Variants in DPYD observed in about 807,000 individuals in gnomAD.
The protein encoded by DPYD is dihydropyrimidine dehydrogenase, also known as dihydropyrimidine dehydrogenase [NADP(+)].
DPYD carries 109 observed loss-of-function variants against 116.2 expected under a neutral mutation model. That is an observed-to-expected ratio of 0.94 (90% CI 0.80 to 1.10). The LOEUF is 1.10. DPYD is among the 50% of genes least tolerant of loss of function. DPYD has a pLI of 0.00. For missense variants in DPYD, 1,302 were observed against 1,254.5 expected (o/e 1.04, Z -0.57); for synonymous variants, 440 against 432.0 (o/e 1.02, Z -0.23).
chr1:97,564,469 T>C (rs573770589), intron 11 of DPYD, among the ~76,000 whole-genome samples: 52 of 152,352 alleles, frequency 3.4e-4, no homozygotes, highest in African/African-American at 1.2e-3. Context: ...GAACAGCTCC[T>C]GCTGTAGGCA....
At chr1:97,599,248 T>C (rs1333343448) in intron 8 of DPYD, among the ~76,000 whole-genome samples, 4 of 152,226 alleles carry the variant, frequency 2.6e-5, no homozygotes, top group African/African-American at 9.6e-5. Context: ...TTCTTTGAAA[T>C]GTGTATCCTT....
At chr1:97,079,355 G>T (rs993119151) in intron 22 of DPYD, among the ~76,000 whole-genome samples, 1 of 152,072 alleles carries the variant, frequency 6.6e-6, no homozygotes, top group African/African-American at 2.4e-5. Flanking sequence ...AAAACACAAT[G>T]TTTAAAATTC....
intron 8 of DPYD, among the ~76,000 whole-genome samples, chr1:97,621,202 C>A (rs542900969): frequency 6.6e-6 from 1 of 152,128 alleles, no homozygotes; most frequent in African/African-American, 2.4e-5. Flanking sequence ...GTATCTGGCA[C>A]TTTTGTATCA....
At chr1:97,688,182 C>T (rs992415557) in intron 7 of DPYD, among the ~76,000 whole-genome samples, 4 of 151,928 alleles carry the variant, frequency 2.6e-5, no homozygotes, top group African/African-American at 9.7e-5. Context: ...ATAAGAATAG[C>T]AGGGGAAAGC....
At chr1:97,837,937 A>G (rs528237061) in intron 2 of DPYD, among the ~76,000 whole-genome samples, 6 of 152,248 alleles carry the variant, frequency 3.9e-5, no homozygotes, top group African/African-American at 1.2e-4. Flanking sequence ...TCTGAAATAC[A>G]TATCAAGTTG....
intron 8 of DPYD, among the ~76,000 whole-genome samples, chr1:97,646,215 C>A (rs1658249667): frequency 6.6e-6 from 1 of 152,076 alleles, no homozygotes; most frequent in Non-Finnish European, 1.5e-5. Flanking sequence ...GTGCAGAATC[C>A]TCCTGAAGTA....
intron 3 of DPYD, among the ~76,000 whole-genome samples, chr1:97,742,090 G>A (rs907054297): frequency 3.9e-5 from 6 of 152,022 alleles, no homozygotes; most frequent in African/African-American, 1.4e-4. Context: ...AAATGAATGT[G>A]GAGACAGACA....
intron 12 of DPYD, among the ~76,000 whole-genome samples, chr1:97,516,989 T>C (rs1450106236): frequency 6.6e-6 from 1 of 152,138 alleles, no homozygotes; most frequent in Non-Finnish European, 1.5e-5. Context: ...AGAAAAGTTA[T>C]TTGAGCAGAA....
intron 20 of DPYD, among the ~76,000 whole-genome samples, chr1:97,186,653 A>T (rs1658010777): frequency 6.6e-6 from 1 of 152,180 alleles, no homozygotes. Context: ...GTTCGAGAAC[A>T]GCCTGGACAA....
chr1:97,430,857 A>G (rs535747828), intron 14 of DPYD, among the ~76,000 whole-genome samples: 4 of 152,164 alleles, frequency 2.6e-5, no homozygotes, highest in African/African-American at 9.6e-5. Flanking sequence ...ATATCTATCT[A>G]TATCAATTTG....
chr1:97,371,811 G>A (rs1557664559), intron 16 of DPYD, among the ~76,000 whole-genome samples: 1 of 152,168 alleles, frequency 6.6e-6, no homozygotes, highest in Non-Finnish European at 1.5e-5. Context: ...ATTGGTTTCA[G>A]TTGTAGAGAT....
At chr1:97,883,448 TTTTA>T (rs1044409622) in intron 1 of DPYD, 74 bp from the exon 2 acceptor site, 24 of 1,117,178 alleles carry the variant, frequency 2.1e-5, no homozygotes, top group Non-Finnish European at 2.0e-5. Flanking sequence ...TTTATTTTAT[TTTTA>T]TTTATTTTGA....
rs77173096 is a variant in DPYD, at chr1:97,428,251, G to A, written c.1905+21808C>T. On this transcript the variant is annotated intron_variant, in intron 14 of 22. Coordinates refer to ENST00000370192, the MANE Select transcript of DPYD (RefSeq NM_000110.4). The stretch of plus-strand genomic sequence containing the variant: ...GCCATGAAAGGCTCTAGTTCTTCAA[G>A]ATCATGGTACAGTATTTAACCATTT... 8.3e-3 allele frequency among the ~76,000 whole-genome samples: 1,268 copies of A among 152,110 alleles called. 17 individuals are homozygous for A. Among genetic ancestry groups the A allele is most frequent in the African/African-American group, 0.028 (1,173 of 41,518 alleles).
chr1:97,096,011 G>A (rs184693918), intron 21 of DPYD: 27 of 152,272 alleles, frequency 1.8e-4, no homozygotes. Context: ...ACAATGTCTT[G>A]AGGCTTATGT....
chr1:97,437,299 GTT>G (rs1030722583), intron 14 of DPYD, among the ~76,000 whole-genome samples: 1 of 142,100 alleles, frequency 7.0e-6, no homozygotes. Flanking sequence ...TTTGTGAGGT[GTT>G]TTTTTTTTTG....
At chr1:97,909,140 C>A (rs1673792307) in intron 1 of DPYD, among the ~76,000 whole-genome samples, 1 of 152,092 alleles carries the variant, frequency 6.6e-6, no homozygotes, top group Non-Finnish European at 1.5e-5. Context: ...ACCTGTTCTT[C>A]AAACTTTTAC....
At chr1:97,223,920 A>C (rs1660943760) in intron 19 of DPYD, among the ~76,000 whole-genome samples, 1 of 152,034 alleles carries the variant, frequency 6.6e-6, no homozygotes, top group South Asian at 2.1e-4. Flanking sequence ...GTCAGAAGCA[A>C]ACTTCTTTTT....
At chr1:97,736,306 T>C (rs1663936890) in intron 4 of DPYD, among the ~76,000 whole-genome samples, 1 of 151,764 alleles carries the variant, frequency 6.6e-6, no homozygotes, top group South Asian at 2.1e-4. Flanking sequence ...TAATAATCAT[T>C]GCCAACCCTG....
chr1:97,708,579 T>C (rs1218035961), intron 5 of DPYD, among the ~76,000 whole-genome samples: 16 of 152,042 alleles, frequency 1.1e-4, no homozygotes, highest in Admixed American at 1.1e-3. Flanking sequence ...AATCAGGTAG[T>C]CCGAGTCCTC....
Sources: allele counts gnomAD v4.1 joint callset (sites outside exome capture counted in the v4.1 genomes callset), GRCh38; gene constraint gnomAD v4.1.1; transcripts MANE v1.5; gene names NCBI Gene and HGNC (gene_info 2026-07-23, HGNC 2026-07-21).